The following ANKRD30A variants were observed in gnomAD, a reference collection of about 807,000 sequenced individuals.
ANKRD30A encodes ankyrin repeat domain-containing protein 30A.
ANKRD30A carries 170 observed loss-of-function variants against 166.3 expected under a neutral mutation model. The observed-to-expected ratio is 1.02, with a 90% CI of 0.90 to 1.16. ANKRD30A has a LOEUF of 1.16. Among genes scored for constraint, ANKRD30A ranks in the 50% most tolerant of loss-of-function variants. The pLI is 0.00. For missense variants in ANKRD30A, 1,630 were observed against 1,518.0 expected (o/e 1.07, Z -1.23); for synonymous variants, 564 against 508.9 (o/e 1.11, Z -1.46).
At position 37,193,090 on chromosome 10, in the gene ANKRD30A, A is replaced by G. The variant is rs1840735958; in HGVS notation, c.2539A>G (p.Lys847Glu). ...EESPDNDGFL[K>E]APCRMKVSIP... Reference sequence around the variant, plus strand: ...GTCTCCTGATAATGATGGTTTTCTGAAGGTAATAACTTTTATATTTTTATC... The same window carrying G: ...GTCTCCTGATAATGATGGTTTTCTGGAGGTAATAACTTTTATATTTTTATC... Residue 847 changes from lysine to glutamate, a missense_variant and splice_region_variant, in exon 26 of 36, where the codon AAG becomes GAG. Lys to Glu is a moderately conservative substitution (Grantham distance 56). Coordinates refer to ENST00000361713, the MANE Select transcript of ANKRD30A (RefSeq NM_052997.3). The G allele has an allele frequency of 1.9e-6, 3 of 1,607,256 alleles. No individual in the cohort carries two copies. Among genetic ancestry groups the G allele is most frequent in the East Asian group, 4.5e-5 (2 of 44,732 alleles).
In ANKRD30A at chr10:37,144,985, C is replaced by CT; in HGVS notation, c.1394-5dup. On this transcript the variant is annotated splice_polypyrimidine_tract_variant and intron_variant, in intron 7 of 35. Coordinates refer to ENST00000361713, the MANE Select transcript of ANKRD30A (RefSeq NM_052997.3). ...TTATCATGAATATATCTGTGATTAA[C>CT]TTTTTATAGATCAGAGGTTCCCATC... The CT allele has an allele frequency of 1.3e-6, 2 of 1,572,944 alleles. No homozygotes were observed. Among genetic ancestry groups the CT allele is most frequent in the Non-Finnish European group, 1.7e-6 (2 of 1,156,622 alleles).
chr10:37,238,270 T>C, the ANKRD30A span, among the ~76,000 whole-genome samples: 1 of 152,240 alleles, frequency 6.6e-6, no homozygotes, highest in Admixed American at 6.5e-5. Context: ...AGATAATTTA[T>C]GCAGGGAGAG....
chr10:37,236,547 A>C (rs1365268552), downstream of ANKRD30A, among the ~76,000 whole-genome samples: 1 of 152,196 alleles, frequency 6.6e-6, no homozygotes, highest in African/African-American at 2.4e-5. Flanking sequence ...TTTACCCATT[A>C]GGTAAATCTT....
chr10:37,159,787 C>G (rs186272095), intron 15 of ANKRD30A, among the ~76,000 whole-genome samples: 1 of 152,032 alleles, frequency 6.6e-6, no homozygotes, highest in African/African-American at 2.4e-5. Flanking sequence ...CTCTGCCTCC[C>G]GGGTTCACGC....
intron 34 of ANKRD30A, among the ~76,000 whole-genome samples, chr10:37,224,523 A>G (rs569668984): frequency 6.6e-6 from 1 of 150,908 alleles, no homozygotes; most frequent in Non-Finnish European, 1.5e-5. Context: ...ATGTTATAAT[A>G]AAAAATATGT....
intron 34 of ANKRD30A, among the ~76,000 whole-genome samples, chr10:37,226,055 GC>G (rs760525974): frequency 9.8e-4 from 148 of 151,280 alleles, no homozygotes; most frequent in Non-Finnish European, 1.6e-3. Context: ...ACAGTACATG[GC>G]CTTTTGTGAC....
chr10:37,230,410 G>T (rs2132765795), intron 34 of ANKRD30A, among the ~76,000 whole-genome samples: 1 of 152,116 alleles, frequency 6.6e-6, no homozygotes, highest in East Asian at 1.9e-4. Flanking sequence ...GTCCAGGAGA[G>T]TTTATGTCTC....
At chr10:37,141,592 A>AG (rs1837120275) in intron 6 of ANKRD30A, 126 bp from the exon 7 acceptor site, 9 of 1,303,284 alleles carry the variant, frequency 6.9e-6, no homozygotes, top group Non-Finnish European at 8.2e-6. Context: ...AAAAAAAAAA[A>AG]AGAGAAAAGA....
chr10:37,164,391 A>C (rs867802418), intron 17 of ANKRD30A, among the ~76,000 whole-genome samples: 4 of 150,394 alleles, frequency 2.7e-5, no homozygotes, highest in African/African-American at 7.4e-5. Context: ...ACTTAAGGCA[A>C]TTATATTTTC....
At position 37,208,168 on chromosome 10, in the gene ANKRD30A, C is replaced by T. The variant is rs565057093; in HGVS notation, c.2869+6843C>T. On this transcript the variant is annotated intron_variant, in intron 31 of 35. Transcript: ENST00000361713. ...CACTCAGGACATAGAACTGATGCTG[C>T]ATTTTCTCTTTCCTCTGGGAGCCTC... Among the ~76,000 whole-genome samples the T allele has an allele frequency of 2.6e-5, 4 of 152,246 alleles. No homozygotes were observed. In the South Asian group the frequency reaches 6.2e-4, roughly 24 times the overall value.
Position 37,161,949 on chromosome 10 carries a change from TA to T in ANKRD30A, c.1901-694del, listed in dbSNP as rs1415715698. Reference sequence around the variant, plus strand: ...TAAATATTGTGGTGACTTAACAATATAAAAAAGTTATTTATGTTTAATTCAT... The same window carrying T: ...TAAATATTGTGGTGACTTAACAATATAAAAAGTTATTTATGTTTAATTCAT... On this transcript the variant is annotated intron_variant, in intron 15 of 35. Coordinates refer to ENST00000361713, the MANE Select transcript of ANKRD30A (RefSeq NM_052997.3). 2.6e-5 allele frequency among the ~76,000 whole-genome samples: 4 copies of T among 152,168 alleles called. No individual in the cohort carries two copies. In the South Asian group the frequency reaches 8.3e-4, roughly 32 times the overall value.
At chr10:37,178,987 A>C (rs1336343299) in intron 24 of ANKRD30A, among the ~76,000 whole-genome samples, 2 of 139,232 alleles carry the variant, frequency 1.4e-5, no homozygotes, top group East Asian at 4.3e-4. Context: ...TGACTCATTA[A>C]TTTTCTTTAT....
At chr10:37,230,631 A>G (rs1281506950) in intron 34 of ANKRD30A, among the ~76,000 whole-genome samples, 1 of 152,104 alleles carries the variant, frequency 6.6e-6, no homozygotes. Flanking sequence ...ATGGTCATGT[A>G]CAATTACTAC....
At chr10:37,259,285 C>T in the ANKRD30A span, among the ~76,000 whole-genome samples, 1 of 152,122 alleles carries the variant, frequency 6.6e-6, no homozygotes, top group African/African-American at 2.4e-5. Flanking sequence ...AAAATGTCTT[C>T]ATCAAAGGCA....
At chr10:37,131,464 T>G (rs1402583156) in intron 3 of ANKRD30A, among the ~76,000 whole-genome samples, 2 of 152,204 alleles carry the variant, frequency 1.3e-5, no homozygotes, top group Non-Finnish European at 2.9e-5. Flanking sequence ...AGAAACCCCA[T>G]GGACCATTTA....
intron 34 of ANKRD30A, among the ~76,000 whole-genome samples, chr10:37,225,884 G>A (rs921569385): frequency 2.0e-5 from 3 of 151,224 alleles, no homozygotes; most frequent in South Asian, 2.1e-4. Flanking sequence ...TTATACAATC[G>A]TCACCACAAT....
chr10:37,241,960 C>T, the ANKRD30A span: 1 of 152,262 alleles, frequency 6.6e-6, no homozygotes, highest in East Asian at 1.9e-4. Context: ...GGTATTCCTA[C>T]AAGTCAGGAC....
intron 34 of ANKRD30A, among the ~76,000 whole-genome samples, chr10:37,227,636 C>T (rs1285504953): frequency 6.6e-6 from 1 of 151,894 alleles, no homozygotes; most frequent in African/African-American, 2.4e-5. Flanking sequence ...AGCCCATGGC[C>T]AGCTTATGCA....
intron 15 of ANKRD30A, among the ~76,000 whole-genome samples, chr10:37,162,233 C>T (rs1003128164): frequency 6.6e-6 from 1 of 152,102 alleles, no homozygotes; most frequent in Non-Finnish European, 1.5e-5. Flanking sequence ...GATGTCAGTT[C>T]TACATTCAGC....
Sources: allele counts gnomAD v4.1 joint callset (sites outside exome capture counted in the v4.1 genomes callset), GRCh38; gene constraint gnomAD v4.1.1; transcripts MANE v1.5; gene names NCBI Gene and HGNC (gene_info 2026-07-23, HGNC 2026-07-21).